Variants in RIN3 observed in about 807,000 individuals in gnomAD.
RIN3 encodes the protein Ras and Rab interactor 3.
RIN3 carries 54 observed loss-of-function variants against 76.3 expected under a neutral mutation model. The observed-to-expected ratio is 0.71, with a 90% confidence interval of 0.57 to 0.89. The LOEUF (loss-of-function observed/expected upper bound fraction) is 0.89, where lower values mean the gene tolerates loss of function less well. RIN3 is among the 40% of genes least tolerant of loss of function. The pLI is 0.00. For missense variants in RIN3, 1,256 were observed against 1,322.1 expected (o/e 0.95, Z 0.78); for synonymous variants, 576 against 564.0 (o/e 1.02, Z -0.30).
intron 4 of RIN3, among the ~76,000 whole-genome samples, chr14:92,639,435 C>G (rs1435975252): frequency 6.6e-6 from 1 of 152,214 alleles, no homozygotes; most frequent in Non-Finnish European, 1.5e-5. Flanking sequence ...TCATCCATTC[C>G]TGTCTTCACA....
At chr14:92,614,103 C>T (rs1595456789) in intron 3 of RIN3, among the ~76,000 whole-genome samples, 1 of 152,256 alleles carries the variant, frequency 6.6e-6, no homozygotes, top group East Asian at 1.9e-4. Flanking sequence ...ACGGTGGCAT[C>T]CTGGCACCCT....
intron 8 of RIN3, 94 bp from the exon 9 acceptor site, chr14:92,684,893 G>A: frequency 1.5e-6 from 2 of 1,332,202 alleles, no homozygotes; most frequent in Non-Finnish European, 2.1e-6. Context: ...GGTGGTGGGC[G>A]GGGCTTGGAG....
At chr14:92,636,836 G>A (rs1489436680) in intron 4 of RIN3, among the ~76,000 whole-genome samples, 1 of 152,182 alleles carries the variant, frequency 6.6e-6, no homozygotes, top group Non-Finnish European at 1.5e-5. Context: ...GATCACTTGA[G>A]GCTGGGAGTT....
chr14:92,551,921 G>A (rs1003366128), intron 1 of RIN3, among the ~76,000 whole-genome samples: 1 of 152,174 alleles, frequency 6.6e-6, no homozygotes, highest in Non-Finnish European at 1.5e-5. Flanking sequence ...TGCTTTCTGT[G>A]TCTGGTCTAA....
intron 1 of RIN3, among the ~76,000 whole-genome samples, chr14:92,537,634 C>CTTTTTTGTTTTTTTTTTTTTTT (rs1897030369): frequency 1.9e-5 from 1 of 51,628 alleles, no homozygotes; most frequent in Non-Finnish European, 3.4e-5. Context: ...GCCTTAGGGA[C>CTTTTTTGTTTTTTTTTTTTTTT]TTTTTTTTTT....
chr14:92,520,804 G>C (rs1224184860), intron 1 of RIN3, among the ~76,000 whole-genome samples: 1 of 152,188 alleles, frequency 6.6e-6, no homozygotes, highest in Non-Finnish European at 1.5e-5. Flanking sequence ...TGTCAAGAAA[G>C]AGTCACCGGG....
At chr14:92,580,963 G>C (rs1898416959) in intron 3 of RIN3, among the ~76,000 whole-genome samples, 2 of 152,264 alleles carry the variant, frequency 1.3e-5, no homozygotes, top group African/African-American at 4.8e-5. Context: ...AGCGAGTGTA[G>C]GGTTGGGGCA....
In RIN3 at chr14:92,688,965, A is replaced by G. The variant is rs1276674815; in HGVS notation, c.*713A>G. 6.6e-6 allele frequency: 1 copy of G among 152,334 alleles called. No individual in the cohort carries two copies. The highest frequency in any genetic ancestry group is 1.5e-5 in the Non-Finnish European group (1 of 68,110). The allele number at this position is 152,334 out of a possible 1,614,324, so 9.4% of individuals were successfully genotyped here. A position where few individuals can be genotyped will look rare whatever the true frequency, so the allele number is the denominator to read the frequency against. On this transcript the variant is annotated 3_prime_UTR_variant, in exon 10 of 10. Transcript: ENST00000216487. ...AGATTGCAGGAGCCATCGTGTGGGG[A>G]GAATTTAATAAAAGCCCTTTTGAAA...
chr14:92,687,777 C>A, intron 9 of RIN3, 149 bp from the exon 10 acceptor site: 1 of 682,074 alleles, frequency 1.5e-6, no homozygotes, highest in Non-Finnish European at 2.3e-6. Flanking sequence ...CGCAGGCTCG[C>A]GGCAGAGACG....
At chr14:92,641,893 A>G (rs1887028994) in intron 5 of RIN3, among the ~76,000 whole-genome samples, 1 of 152,150 alleles carries the variant, frequency 6.6e-6, no homozygotes, top group Non-Finnish European at 1.5e-5. Context: ...TTATAGAAAG[A>G]ACTCACGTTT....
At chr14:92,624,948 C>T (rs1176885261) in intron 4 of RIN3, among the ~76,000 whole-genome samples, 27 of 148,346 alleles carry the variant, frequency 1.8e-4, no homozygotes, top group Non-Finnish European at 4.5e-5. Flanking sequence ...CCTCCCAGGA[C>T]GGTTCAAGTT....
chr14:92,597,150 A>G (rs1885176898), intron 3 of RIN3, among the ~76,000 whole-genome samples: 1 of 133,472 alleles, frequency 7.5e-6, no homozygotes, highest in African/African-American at 2.7e-5. Flanking sequence ...GTGGGTCAAT[A>G]GGATGATGTG....
intron 2 of RIN3, among the ~76,000 whole-genome samples, chr14:92,571,120 G>A (rs968310098): frequency 1.7e-4 from 26 of 152,212 alleles, no homozygotes; most frequent in Non-Finnish European, 3.1e-4. Context: ...ATGCCGAGCT[G>A]TAACCAATCC....
At chr14:92,686,077 G>C (rs1333670258) in intron 9 of RIN3, 1 of 152,434 alleles carries the variant, frequency 6.6e-6, no homozygotes, top group Non-Finnish European at 1.5e-5. Context: ...AGTTGGACTA[G>C]TGAGCCAGGC....
intron 1 of RIN3, among the ~76,000 whole-genome samples, chr14:92,519,979 T>C (rs892863258): frequency 7.2e-5 from 11 of 152,214 alleles, no homozygotes; most frequent in African/African-American, 2.2e-4. Flanking sequence ...TGTGCAGCCT[T>C]GGCATGTTTC....
chr14:92,600,859 C>A (rs547002154), intron 3 of RIN3, among the ~76,000 whole-genome samples: 10 of 152,186 alleles, frequency 6.6e-5, no homozygotes, highest in Admixed American at 2.6e-4. Context: ...CCACTAGATG[C>A]CAGTAGCATC....
At chr14:92,628,073 C>T (rs572319219) in intron 4 of RIN3, among the ~76,000 whole-genome samples, 2 of 152,052 alleles carry the variant, frequency 1.3e-5, no homozygotes, top group South Asian at 4.2e-4. Flanking sequence ...TCAAAGGAGG[C>T]GAGGGTGGGC....
At chr14:92,553,165 T>G (rs1897483187) in intron 1 of RIN3, among the ~76,000 whole-genome samples, 1 of 151,976 alleles carries the variant, frequency 6.6e-6, no homozygotes, top group Non-Finnish European at 1.5e-5. Context: ...CTTGGCCAAG[T>G]GCTAAGCCAT....
chr14:92,670,781 G>A (rs1203825416), intron 7 of RIN3, among the ~76,000 whole-genome samples: 2 of 152,164 alleles, frequency 1.3e-5, no homozygotes, highest in South Asian at 2.1e-4. Context: ...GAGTCAGCTC[G>A]CACCAGCTCG....
Sources: allele counts gnomAD v4.1 joint callset (sites outside exome capture counted in the v4.1 genomes callset), GRCh38; gene constraint gnomAD v4.1.1; transcripts MANE v1.5; gene names NCBI Gene and HGNC (gene_info 2026-07-23, HGNC 2026-07-21).